Variants in CADPS observed in about 807,000 individuals in gnomAD.
The protein encoded by CADPS is calcium dependent secretion activator, also known as calcium-dependent secretion activator 1.
In CADPS, 57 loss-of-function variants were observed where a neutral mutation model predicts 167.3. The observed-to-expected ratio is 0.34, with a 90% confidence interval of 0.28 to 0.42. The LOEUF is 0.42. Among genes scored for constraint, CADPS ranks in the 20% least tolerant of loss-of-function variants. The pLI, the probability that CADPS is intolerant of heterozygous loss-of-function variation, is 1.00. For missense variants in CADPS, 1,414 were observed against 1,738.1 expected (o/e 0.81, Z 3.32); for synonymous variants, 676 against 635.3 (o/e 1.06, Z -0.96).
chr3:62,852,875 A>T (rs893120916), intron 1 of CADPS, among the ~76,000 whole-genome samples: 1 of 152,240 alleles, frequency 6.6e-6, no homozygotes, highest in African/African-American at 2.4e-5. Flanking sequence ...TGAATGAATA[A>T]CTAGAAACAT....
At chr3:62,599,540 TTA>T (rs1286721232) in intron 6 of CADPS, among the ~76,000 whole-genome samples, 3 of 108,362 alleles carry the variant, frequency 2.8e-5, no homozygotes, top group Non-Finnish European at 5.3e-5. Context: ...ATTATATATA[TTA>T]TATATAATAT....
intron 3 of CADPS, among the ~76,000 whole-genome samples, chr3:62,726,765 C>A (rs73107679): frequency 0.01 from 1,587 of 151,986 alleles, 16 homozygotes; most frequent in Middle Eastern, 0.017. Context: ...TCCTACCAAC[C>A]AATAAACCCT....
chr3:62,474,173 C>CTTTTTT lies in CADPS; in HGVS notation c.3476_3477insAAAAAA (p.Glu1159_His1160insLysLys), dbSNP rs770032263. 1.4e-5 allele frequency: 6 copies of CTTTTTT among 434,740 alleles called. No homozygotes were observed. In the African/African-American group the frequency reaches 5.0e-4, roughly 36 times the overall value. 26.9% of individuals were successfully genotyped at this position (434,740 alleles called of 1,614,324 possible). A position where few individuals can be genotyped will look rare whatever the true frequency, so the allele number is the denominator to read the frequency against. On this transcript the variant is annotated inframe_insertion and splice_region_variant, in exon 24 of 30. Transcript: ENST00000383710. The stretch of plus-strand genomic sequence containing the variant: ...TCTGTATTTTTTTTTTTTTTTTTAC[C>CTTTTTT]TCTTGGCCCATTTCCATGCTGCAAA...
At chr3:62,541,331 C>G (rs1348833953) in intron 11 of CADPS, among the ~76,000 whole-genome samples, 2 of 152,098 alleles carry the variant, frequency 1.3e-5, no homozygotes, top group Non-Finnish European at 2.9e-5. Flanking sequence ...TTCAACACAC[C>G]TTGCAAACAT....
At position 62,420,437 on chromosome 3, in the gene CADPS, C is replaced by A. The variant is rs184380113; in HGVS notation, c.3778-17252G>T. Among the ~76,000 whole-genome samples the A allele has an allele frequency of 6.6e-6, 1 of 152,074 alleles. No individual in the cohort carries two copies. Among genetic ancestry groups the A allele is most frequent in the African/African-American group, 2.4e-5 (1 of 41,412 alleles). On this transcript the variant is annotated intron_variant, in intron 28 of 29. Coordinates refer to ENST00000383710, the MANE Select transcript of CADPS (RefSeq NM_003716.4). The surrounding 1 kb of genome is among the most constrained non-coding windows in gnomAD (Gnocchi z 4.1). ...AACATACAAGGACTGGGTGCAGGGA[C>A]AATATTCAGATGGTGGTCCAGGAGC...
intron 3 of CADPS, among the ~76,000 whole-genome samples, chr3:62,670,354 A>G (rs2075289942): frequency 6.6e-6 from 1 of 152,190 alleles, no homozygotes; most frequent in African/African-American, 2.4e-5. Flanking sequence ...CATGCAGTCA[A>G]TTACATTCTG....
chr3:62,637,973 C>T (rs2066631374), intron 6 of CADPS, among the ~76,000 whole-genome samples: 2 of 151,898 alleles, frequency 1.3e-5, no homozygotes, highest in African/African-American at 4.8e-5. Context: ...TAGACTCAGG[C>T]CACCTTGTTT....
intron 28 of CADPS, among the ~76,000 whole-genome samples, chr3:62,419,589 C>T (rs949610825): frequency 1.3e-5 from 2 of 152,160 alleles, no homozygotes; most frequent in Non-Finnish European, 2.9e-5. Context: ...AAACTATTCT[C>T]TGATATGCAT....
intron 3 of CADPS, among the ~76,000 whole-genome samples, chr3:62,687,734 A>ATT (rs201429638): frequency 0.038 from 4,882 of 128,182 alleles, 169 homozygotes; most frequent in South Asian, 0.12. Context: ...TTCCCTTCGC[A>ATT]TTTTTTTTTT....
chr3:62,733,892 C>A (rs1306501673), intron 3 of CADPS, among the ~76,000 whole-genome samples: 1 of 152,120 alleles, frequency 6.6e-6, no homozygotes. Flanking sequence ...CATTTTTATG[C>A]CTTTGCATCC....
intron 13 of CADPS, among the ~76,000 whole-genome samples, chr3:62,522,107 ATC>A (rs2070768851): frequency 6.9e-6 from 1 of 144,940 alleles, no homozygotes; most frequent in East Asian, 2.0e-4. Context: ...CTATCTATCT[ATC>A]TATCTATCTA....
At chr3:62,782,209 A>G (rs1467696874) in intron 1 of CADPS, among the ~76,000 whole-genome samples, 2 of 152,224 alleles carry the variant, frequency 1.3e-5, no homozygotes, top group Non-Finnish European at 2.9e-5. Context: ...TAATTTTTGT[A>G]CAAGGTGGGC....
At chr3:62,441,220 T>A (rs1160632288) in intron 27 of CADPS, 1 of 152,220 alleles carries the variant, frequency 6.6e-6, no homozygotes, top group Admixed American at 6.5e-5. Context: ...ATTGTGTATT[T>A]TAAATGTGGC....
intron 13 of CADPS, 145 bp from the exon 14 acceptor site, chr3:62,518,395 C>A: frequency 1.6e-6 from 1 of 628,646 alleles, no homozygotes; most frequent in Non-Finnish European, 2.7e-6. Context: ...CTATTCAGGG[C>A]TAGCTTCCAA....
intron 3 of CADPS, among the ~76,000 whole-genome samples, chr3:62,708,566 C>T (rs557364914): frequency 5.3e-5 from 8 of 152,118 alleles, no homozygotes; most frequent in East Asian, 1.9e-4. Context: ...CTCTCCTACA[C>T]GCCCTGCTTC....
chr3:62,632,673 A>T (rs1037968838), intron 6 of CADPS, among the ~76,000 whole-genome samples: 4 of 152,140 alleles, frequency 2.6e-5, no homozygotes, highest in African/African-American at 9.7e-5. Context: ...TTTCCCGTTA[A>T]TAATACCTCC....
intron 6 of CADPS, among the ~76,000 whole-genome samples, chr3:62,611,992 C>T (rs2061568190): frequency 1.3e-5 from 2 of 152,212 alleles, no homozygotes; most frequent in Admixed American, 1.3e-4. Context: ...AGGACTCTTG[C>T]TTGCTTTGTT....
At chr3:62,571,567 C>CTT (rs750711541) in intron 8 of CADPS, among the ~76,000 whole-genome samples, 3 of 144,252 alleles carry the variant, frequency 2.1e-5, no homozygotes, top group Admixed American at 7.0e-5. Flanking sequence ...ATAAATATTA[C>CTT]TTTTTTTTTT....
intron 24 of CADPS, among the ~76,000 whole-genome samples, chr3:62,471,178 A>G (rs1218942270): frequency 6.6e-6 from 1 of 152,182 alleles, no homozygotes; most frequent in Non-Finnish European, 1.5e-5. Context: ...TATGGAGTCC[A>G]TACGATGTCA....
Sources: allele counts gnomAD v4.1 joint callset (sites outside exome capture counted in the v4.1 genomes callset), GRCh38; gene constraint gnomAD v4.1.1; non-coding constraint Gnocchi (gnomAD v3.1); transcripts MANE v1.5; gene names NCBI Gene and HGNC (gene_info 2026-07-23, HGNC 2026-07-21).